The following BCL2L14 variants were observed in gnomAD, a reference collection of about 807,000 sequenced individuals.
BCL2L14 encodes the protein apoptosis facilitator Bcl-2-like protein 14.
A neutral mutation model predicts 35.3 loss-of-function variants in BCL2L14; 27 were observed. The observed-to-expected ratio is 0.76, with a 90% CI of 0.56 to 1.05. The LOEUF (loss-of-function observed/expected upper bound fraction) is 1.05, where lower values mean the gene tolerates loss of function less well. Ranked by LOEUF, BCL2L14 falls within the 50% of genes least tolerant of loss-of-function variation. The probability of loss-of-function intolerance (pLI) is 0.00; values close to 1 mark genes in which losing one functional copy is unlikely to be tolerated. For synonymous variants in BCL2L14, 139 were observed against 145.9 expected (o/e 0.95, Z 0.34); for missense variants, 377 against 382.6 (o/e 0.99, Z 0.12).
At chr12:12,089,539 T>C (rs1481504312) in intron 3 of BCL2L14, among the ~76,000 whole-genome samples, 2 of 151,358 alleles carry the variant, frequency 1.3e-5, no homozygotes, top group East Asian at 3.9e-4. Context: ...CTACTAAAAA[T>C]ACAAAAAAAT....
intron 2 of BCL2L14, among the ~76,000 whole-genome samples, chr12:12,081,494 A>C: frequency 6.8e-6 from 1 of 147,664 alleles, no homozygotes. Flanking sequence ...CTTCATGCGC[A>C]CACCTTGGCA....
At chr12:12,097,646 A>G (rs904266332) in intron 5 of BCL2L14, among the ~76,000 whole-genome samples, 4 of 152,236 alleles carry the variant, frequency 2.6e-5, no homozygotes, top group African/African-American at 9.6e-5. Context: ...AAGTGAATAT[A>G]CGAATTCACT....
chr12:12,082,824 GTTAA>G (rs1327906020), intron 2 of BCL2L14, among the ~76,000 whole-genome samples: 13 of 152,278 alleles, frequency 8.5e-5, no homozygotes, highest in Middle Eastern at 3.4e-3. Flanking sequence ...CATTTAGTCA[GTTAA>G]TTGTGTGTTT....
chr12:12,056,135 A>G (rs1167070240), intron 2 of BCL2L14, among the ~76,000 whole-genome samples: 1 of 152,130 alleles, frequency 6.6e-6, no homozygotes, highest in Non-Finnish European at 1.5e-5. Context: ...CCTTGGTTAC[A>G]AATCCCCATT....
At chr12:12,057,983 T>A (rs529031161) in intron 2 of BCL2L14, among the ~76,000 whole-genome samples, 17 of 149,646 alleles carry the variant, frequency 1.1e-4, no homozygotes, top group African/African-American at 3.7e-4. Flanking sequence ...GAGTCTCTGT[T>A]GCCCAGGCTG....
At chr12:12,062,563 T>C (rs1948541843) in intron 2 of BCL2L14, among the ~76,000 whole-genome samples, 1 of 150,986 alleles carries the variant, frequency 6.6e-6, no homozygotes, top group Non-Finnish European at 1.5e-5. Context: ...CTCCCTTCCC[T>C]ACACATCAAG....
At position 12,080,678 on chromosome 12, in the gene BCL2L14, C is replaced by T. The variant is rs1056053812; in HGVS notation, c.433+940C>T. 2.6e-5 allele frequency among the ~76,000 whole-genome samples: 4 copies of T among 151,802 alleles called. No individual in the cohort carries two copies. In the East Asian group the frequency reaches 5.8e-4, roughly 22 times the overall value. Reference sequence around the variant, plus strand: ...AGGGGCTTGCTTGGGCTGCCTGGGCCGCTGCTCTTCCTAAGTCAACTCATT... The same window carrying T: ...AGGGGCTTGCTTGGGCTGCCTGGGCTGCTGCTCTTCCTAAGTCAACTCATT... On this transcript the variant is annotated intron_variant, in intron 2 of 5. Coordinates refer to ENST00000308721, the MANE Select transcript of BCL2L14 (RefSeq NM_138723.2).
At chr12:12,080,642 G>T (rs1045259532) in intron 2 of BCL2L14, among the ~76,000 whole-genome samples, 1 of 148,042 alleles carries the variant, frequency 6.8e-6, no homozygotes, top group Non-Finnish European at 1.5e-5. Flanking sequence ...AAAAAAGAAC[G>T]AGCCCTAACC....
rs1441057023 is a variant in BCL2L14, at chr12:12,079,362, A to G, written c.57A>G (p.Leu19=). 2 of 1,614,070 alleles carry G rather than the reference A, an allele frequency of 1.2e-6. No homozygotes were observed. The highest frequency in any genetic ancestry group is 1.1e-5 in the South Asian group (1 of 91,086). The change falls in exon 2 of 6, where the codon CTA becomes CTG. Residue 19 remains leucine (L), a synonymous_variant. Transcript: ENST00000308721. The part of the protein sequence containing the change: ...LEEIPLDDDD[L]NTIEFKILAY... ...AAATCCCCCTAGATGATGATGACCTAAACACCATAGAATTCAAAATCCTCG... is the reference window on the plus strand; with the variant it reads ...AAATCCCCCTAGATGATGATGACCTGAACACCATAGAATTCAAAATCCTCG...
At chr12:12,058,169 C>A (rs1948461573) in intron 2 of BCL2L14, among the ~76,000 whole-genome samples, 1 of 151,842 alleles carries the variant, frequency 6.6e-6, no homozygotes, top group Non-Finnish European at 1.5e-5. Context: ...CCAGGCTGTT[C>A]TCCAACTCTT....
chr12:12,051,769 A>G (rs1268856192), intron 1 of BCL2L14: 1 of 152,242 alleles, frequency 6.6e-6, no homozygotes, highest in East Asian at 1.9e-4. Flanking sequence ...GGGACCCTAA[A>G]GCGAATATTA....
intron 2 of BCL2L14, among the ~76,000 whole-genome samples, chr12:12,085,905 C>T (rs1949033115): frequency 6.6e-6 from 1 of 152,218 alleles, no homozygotes; most frequent in Non-Finnish European, 1.5e-5. Context: ...AAACGCCACT[C>T]CATTACTGTC....
intron 5 of BCL2L14, 49 bp from the exon 6 acceptor site, chr12:12,098,901 C>A: frequency 7.5e-7 from 1 of 1,333,326 alleles, no homozygotes; most frequent in South Asian, 1.2e-5. Flanking sequence ...GTTTTCACTT[C>A]AACAGTAAAT....
intron 2 of BCL2L14, among the ~76,000 whole-genome samples, chr12:12,086,462 T>C (rs1003411882): frequency 2.6e-5 from 4 of 152,232 alleles, no homozygotes; most frequent in African/African-American, 9.6e-5. Flanking sequence ...TGGTCTCTTA[T>C]AGGCTACAAC....
At position 12,084,942 on chromosome 12, in the gene BCL2L14, C is replaced by T. The variant is rs866062564; in HGVS notation, c.434-2271C>T. On this transcript the variant is annotated intron_variant, in intron 2 of 5. Coordinates refer to ENST00000308721, the MANE Select transcript of BCL2L14 (RefSeq NM_138723.2). Reference sequence around the variant, plus strand: ...TACAAAAATTAGCTGGACGTAGTGGCGGGAGCCACTACGTCCTGTAATCCC... The same window carrying T: ...TACAAAAATTAGCTGGACGTAGTGGTGGGAGCCACTACGTCCTGTAATCCC... Among the ~76,000 whole-genome samples, 174 of 151,606 alleles carry T rather than the reference C, an allele frequency of 1.1e-3. 1 individual carries two copies. Among genetic ancestry groups the T allele is most frequent in the South Asian group, 9.6e-3 (46 of 4,784 alleles).
intron 5 of BCL2L14, chr12:12,095,964 C>A (rs930642976): frequency 5.1e-6 from 5 of 985,138 alleles, no homozygotes; most frequent in East Asian, 2.3e-4. Flanking sequence ...ACTTAAGCTG[C>A]CTTAGCTTAT....
upstream of BCL2L14, chr12:12,068,017 C>T: frequency 2.6e-6 from 1 of 387,962 alleles, no homozygotes; most frequent in Non-Finnish European, 4.5e-6. Flanking sequence ...ATTGCAGCCT[C>T]AAGCCCCCGG....
In BCL2L14 at chr12:12,079,091, G is replaced by A. The variant is rs562943425; in HGVS notation, c.-7-208G>A. Among the ~76,000 whole-genome samples, 6 of 152,186 alleles carry A rather than the reference G, an allele frequency of 3.9e-5. No homozygotes were observed. In the East Asian group the frequency reaches 7.7e-4, roughly 20 times the overall value. ...ATTACAGGCGTGAGCCACCGCACCC[G>A]GCAGTTCATTTTCTTTATGTGGAGT... is the stretch of plus-strand genomic sequence containing the variant. On this transcript the variant is annotated intron_variant, in intron 1 of 5. Transcript: ENST00000308721.
chr12:12,082,976 T>A (rs1948959688), intron 2 of BCL2L14, among the ~76,000 whole-genome samples: 1 of 152,164 alleles, frequency 6.6e-6, no homozygotes, highest in South Asian at 2.1e-4. Context: ...GTTTGTTTGT[T>A]GTTTTTGAGA....
Sources: allele counts gnomAD v4.1 joint callset (sites outside exome capture counted in the v4.1 genomes callset), GRCh38; gene constraint gnomAD v4.1.1; transcripts MANE v1.5; gene names NCBI Gene and HGNC (gene_info 2026-07-23, HGNC 2026-07-21).